The following RALYL variants were observed in gnomAD, a reference collection of about 807,000 sequenced individuals.
The protein encoded by RALYL is RNA-binding Raly-like protein.
A neutral mutation model predicts 35.1 loss-of-function variants in RALYL; 29 were observed. The ratio of observed to expected loss-of-function variants is 0.83; its 90% CI spans 0.61 to 1.13. RALYL has a LOEUF of 1.13. Among genes scored for constraint, RALYL ranks in the 50% most tolerant of loss-of-function variants. The pLI is 0.00. For synonymous variants in RALYL, 120 were observed against 127.6 expected (o/e 0.94, Z 0.40); for missense variants, 359 against 360.4 (o/e 1.00, Z 0.03).
intron 2 of RALYL, among the ~76,000 whole-genome samples, chr8:84,668,324 A>G (rs1170317474): frequency 6.6e-6 from 1 of 152,172 alleles, no homozygotes; most frequent in Non-Finnish European, 1.5e-5. Flanking sequence ...TGCCTGAGTG[A>G]AAAAGAGAAG....
At chr8:84,700,679 T>G (rs1242440464) in intron 2 of RALYL, among the ~76,000 whole-genome samples, 1 of 152,144 alleles carries the variant, frequency 6.6e-6, no homozygotes, top group Non-Finnish European at 1.5e-5. Flanking sequence ...TTGAATGAAA[T>G]GACAAGATGT....
At chr8:84,289,022 C>T (rs1240863339) in intron 1 of RALYL, among the ~76,000 whole-genome samples, 1 of 152,080 alleles carries the variant, frequency 6.6e-6, no homozygotes, top group Non-Finnish European at 1.5e-5. Flanking sequence ...CTTTTAAGCG[C>T]TGGGGTGAGC....
intron 3 of RALYL, among the ~76,000 whole-genome samples, chr8:84,801,140 C>A (rs1823151898): frequency 6.6e-6 from 1 of 152,196 alleles, no homozygotes; most frequent in Non-Finnish European, 1.5e-5. Context: ...TGTCTCTCCA[C>A]TCTACAGTGT....
intron 3 of RALYL, among the ~76,000 whole-genome samples, chr8:84,775,834 T>C (rs762062161): frequency 1.3e-5 from 2 of 152,242 alleles, no homozygotes; most frequent in Non-Finnish European, 2.9e-5. Flanking sequence ...GTTCTGCTGT[T>C]AAACCATATG....
At chr8:84,272,188 G>A (rs1475608604) in intron 1 of RALYL, among the ~76,000 whole-genome samples, 1 of 152,044 alleles carries the variant, frequency 6.6e-6, no homozygotes, top group Non-Finnish European at 1.5e-5. Context: ...CACCTCCCAG[G>A]TTCAAGCGAT....
intron 1 of RALYL, among the ~76,000 whole-genome samples, chr8:84,404,009 T>C (rs2043203520): frequency 6.6e-6 from 1 of 152,252 alleles, no homozygotes; most frequent in Middle Eastern, 3.4e-3. Context: ...TGCTTGTGAT[T>C]TTTGCACATT....
intron 2 of RALYL, among the ~76,000 whole-genome samples, chr8:84,734,532 A>G (rs1191938791): frequency 6.6e-6 from 1 of 152,152 alleles, no homozygotes; most frequent in Non-Finnish European, 1.5e-5. Flanking sequence ...AAAAATTTTC[A>G]GTCAATCAGT....
intron 1 of RALYL, among the ~76,000 whole-genome samples, chr8:84,234,769 A>ATTTTT (rs113212845): frequency 6.7e-6 from 1 of 148,962 alleles, no homozygotes; most frequent in African/African-American, 2.5e-5. Context: ...TTATTTATTT[A>ATTTTT]TTTTTTTTTT....
intron 1 of RALYL, among the ~76,000 whole-genome samples, chr8:84,248,561 T>C (rs947871609): frequency 6.6e-6 from 1 of 152,094 alleles, no homozygotes; most frequent in African/African-American, 2.4e-5. Context: ...GCGTAATCCT[T>C]AGTCATCTTG....
chr8:84,596,329 T>C (rs558100789), intron 2 of RALYL, among the ~76,000 whole-genome samples: 6 of 152,268 alleles, frequency 3.9e-5, no homozygotes, highest in African/African-American at 1.4e-4. Context: ...GAGTTTTTTC[T>C]CAGCAACTGC....
intron 8 of RALYL, among the ~76,000 whole-genome samples, chr8:84,905,193 TCTTA>T (rs1479393799): frequency 6.6e-6 from 1 of 152,182 alleles, no homozygotes; most frequent in Non-Finnish European, 1.5e-5. Context: ...ACAGTATTTG[TCTTA>T]CTGTCACTCA....
chr8:84,309,506 T>C (rs1031144888), intron 1 of RALYL, among the ~76,000 whole-genome samples: 9 of 152,060 alleles, frequency 5.9e-5, no homozygotes, highest in Non-Finnish European at 1.2e-4. Flanking sequence ...AATTCTAAAA[T>C]AAAACATTGT....
intron 1 of RALYL, among the ~76,000 whole-genome samples, chr8:84,376,369 A>ATC (rs1225287545): frequency 6.6e-6 from 1 of 151,864 alleles, no homozygotes; most frequent in Non-Finnish European, 1.5e-5. Context: ...AAGAAATAAA[A>ATC]TTGTATAGAA....
chr8:84,749,118 A>G (rs1809331604), intron 2 of RALYL, among the ~76,000 whole-genome samples: 1 of 152,150 alleles, frequency 6.6e-6, no homozygotes, highest in Admixed American at 6.6e-5. Flanking sequence ...TTACATCACA[A>G]ATGTTCAAAA....
chr8:84,664,843 C>G (rs897719829), intron 2 of RALYL, among the ~76,000 whole-genome samples: 1 of 152,086 alleles, frequency 6.6e-6, no homozygotes, highest in Non-Finnish European at 1.5e-5. Context: ...ATTCCCCTGG[C>G]CAGAACTTCC....
intron 1 of RALYL, among the ~76,000 whole-genome samples, chr8:84,459,228 A>G (rs2050472269): frequency 6.6e-6 from 1 of 151,828 alleles, no homozygotes; most frequent in Admixed American, 6.6e-5. Context: ...GGATTATTAA[A>G]TCATCTAAAA....
intron 3 of RALYL, among the ~76,000 whole-genome samples, chr8:84,794,044 C>T (rs934796285): frequency 4.6e-5 from 7 of 152,090 alleles, no homozygotes. Context: ...AAGCTGGGAC[C>T]TGATGGGTAT....
At chr8:84,799,702 A>G (rs1822756080) in intron 3 of RALYL, among the ~76,000 whole-genome samples, 1 of 152,236 alleles carries the variant, frequency 6.6e-6, no homozygotes, top group African/African-American at 2.4e-5. Context: ...CACGCCTGTA[A>G]TCCCAGCACT....
intron 1 of RALYL, among the ~76,000 whole-genome samples, chr8:84,253,789 A>G (rs1457868971): frequency 6.6e-6 from 1 of 152,064 alleles, no homozygotes; most frequent in Non-Finnish European, 1.5e-5. Flanking sequence ...GATAATTTAA[A>G]ACAGTATTTC....
Sources: gnomAD v4.1 joint callset for allele counts (sites outside exome capture counted in the v4.1 genomes callset) on GRCh38, gnomAD v4.1.1 for gene constraint, MANE v1.5 for transcripts, NCBI Gene and HGNC (gene_info 2026-07-23, HGNC 2026-07-21) for gene names.